Variants in ZNF804A observed in about 807,000 individuals in gnomAD.
ZNF804A encodes zinc finger protein 804A.
Under a neutral mutation model 16.5 loss-of-function variants are expected in ZNF804A, and 2 were observed. The ratio of observed to expected loss-of-function variants is 0.12; its 90% confidence interval spans 0.05 to 0.38. ZNF804A has a LOEUF of 0.38. ZNF804A is among the 10% of genes least tolerant of loss of function. The probability of loss-of-function intolerance (pLI) is 0.99; values close to 1 mark genes in which losing one functional copy is unlikely to be tolerated. For missense variants in ZNF804A, 1,473 were observed against 1,390.7 expected (o/e 1.06, Z -0.94); for synonymous variants, 534 against 489.6 (o/e 1.09, Z -1.20).
intron 1 of ZNF804A, among the ~76,000 whole-genome samples, chr2:184,769,869 C>A (rs773629713): frequency 1.3e-4 from 19 of 151,954 alleles, no homozygotes; most frequent in Non-Finnish European, 1.9e-4. Context: ...TTATTAACAA[C>A]CTTCAAGAAA....
At chr2:184,734,814 G>A (rs1693582340) in intron 1 of ZNF804A, among the ~76,000 whole-genome samples, 1 of 152,090 alleles carries the variant, frequency 6.6e-6, no homozygotes, top group Admixed American at 6.6e-5. Flanking sequence ...TGCAATTCTA[G>A]CAGTTTTTTC....
At chr2:184,639,300 C>T (rs1691754484) in intron 1 of ZNF804A, among the ~76,000 whole-genome samples, 1 of 151,916 alleles carries the variant, frequency 6.6e-6, no homozygotes, top group South Asian at 2.1e-4. Flanking sequence ...CCTCAAACTC[C>T]TGACCTCAGG....
At chr2:184,779,173 C>T (rs1694336623) in intron 1 of ZNF804A, among the ~76,000 whole-genome samples, 1 of 151,578 alleles carries the variant, frequency 6.6e-6, no homozygotes, top group African/African-American at 2.4e-5. Flanking sequence ...TCTGAAGCTG[C>T]CAACTGTAGT....
chr2:184,673,122 G>C (rs1039494770), intron 1 of ZNF804A, among the ~76,000 whole-genome samples: 1 of 152,028 alleles, frequency 6.6e-6, no homozygotes, highest in Admixed American at 6.6e-5. Flanking sequence ...GAAGGAGGAA[G>C]GGAAGAGGGT....
chr2:184,938,121 G>A lies in ZNF804A; in HGVS notation c.2725G>A (p.Asp909Asn). 6.2e-7 allele frequency: 1 copy of A among 1,614,126 alleles called. No homozygotes were observed. The highest frequency in any genetic ancestry group is 8.5e-7 in the Non-Finnish European group (1 of 1,180,034). Residue 909 changes from aspartate (D) to asparagine (N), a missense_variant, in exon 4 of 4, where the codon GAT becomes AAT. Transcript: ENST00000302277. ...GGAGACCACTTCTGGTGAATTGTCA[G>A]ATGTTTCCAATGATCCCACCACATC... ...EMETTSGELS[D>N]VSNDPTTSVC...
chr2:184,769,960 A>C (rs1356850100), intron 1 of ZNF804A, among the ~76,000 whole-genome samples: 1 of 152,122 alleles, frequency 6.6e-6, no homozygotes, highest in Non-Finnish European at 1.5e-5. Context: ...TTTCCTTTGG[A>C]TATAACAAAG....
At chr2:184,854,646 A>G (rs1344413357) in intron 1 of ZNF804A, among the ~76,000 whole-genome samples, 7 of 152,080 alleles carry the variant, frequency 4.6e-5, no homozygotes, top group African/African-American at 2.4e-5. Context: ...ACAGAAGAGT[A>G]TGATGTTGGA....
At chr2:184,658,457 A>C (rs1692116516) in intron 1 of ZNF804A, among the ~76,000 whole-genome samples, 2 of 152,228 alleles carry the variant, frequency 1.3e-5, no homozygotes, top group Admixed American at 6.5e-5. Flanking sequence ...TGGGCAGCAG[A>C]GCCAGACTCC....
intron 1 of ZNF804A, among the ~76,000 whole-genome samples, chr2:184,609,659 G>A (rs1416784714): frequency 6.6e-6 from 1 of 152,210 alleles, no homozygotes; most frequent in Non-Finnish European, 1.5e-5. Flanking sequence ...ATTCTCACAT[G>A]ATGGACGACA....
chr2:184,681,055 C>G (rs934404519), intron 1 of ZNF804A, among the ~76,000 whole-genome samples: 2 of 152,236 alleles, frequency 1.3e-5, no homozygotes, highest in Non-Finnish European at 2.9e-5. Context: ...CCCACGCTCA[C>G]TCGCTCACAT....
intron 1 of ZNF804A, among the ~76,000 whole-genome samples, chr2:184,641,859 T>A (rs1691801241): frequency 6.6e-6 from 1 of 152,194 alleles, no homozygotes; most frequent in Admixed American, 6.5e-5. Flanking sequence ...TTGTTGACTA[T>A]CTGGAGTTAG....
At chr2:184,772,973 A>G (rs6723095) in intron 1 of ZNF804A, among the ~76,000 whole-genome samples, 4 of 71,222 alleles carry the variant, frequency 5.6e-5, no homozygotes, top group Non-Finnish European at 1.0e-4. Flanking sequence ...ATATATATGT[A>G]TATATATATG....
chr2:184,884,810 C>A (rs1040832916), intron 2 of ZNF804A, among the ~76,000 whole-genome samples: 1 of 152,156 alleles, frequency 6.6e-6, no homozygotes, highest in South Asian at 2.1e-4. Flanking sequence ...ATGATAAAGA[C>A]CCCAAAAGCA....
At chr2:184,730,332 CT>C (rs144981432) in intron 1 of ZNF804A, among the ~76,000 whole-genome samples, 7,875 of 152,124 alleles carry the variant, frequency 0.052, 264 homozygotes, top group Middle Eastern at 0.078. Context: ...TCAACAACCC[CT>C]ACCAGAGTAG....
At chr2:184,869,213 C>G (rs1014488297) in intron 2 of ZNF804A, among the ~76,000 whole-genome samples, 2 of 152,090 alleles carry the variant, frequency 1.3e-5, no homozygotes, top group Middle Eastern at 3.4e-3. Flanking sequence ...TACTCAAAAT[C>G]CATTTGGCCT....
At chr2:184,657,021 A>G (rs1226464224) in intron 1 of ZNF804A, among the ~76,000 whole-genome samples, 1 of 152,204 alleles carries the variant, frequency 6.6e-6, no homozygotes, top group Non-Finnish European at 1.5e-5. Context: ...AATATCATAG[A>G]AAACATTTTT....
chr2:184,797,146 G>A (rs1216147558), intron 1 of ZNF804A, among the ~76,000 whole-genome samples: 1 of 152,080 alleles, frequency 6.6e-6, no homozygotes, highest in Non-Finnish European at 1.5e-5. Flanking sequence ...GAGTTCATTT[G>A]TTCCAAGGTA....
intron 1 of ZNF804A, among the ~76,000 whole-genome samples, chr2:184,613,472 C>A (rs78383441): frequency 6.6e-6 from 1 of 152,086 alleles, no homozygotes; most frequent in Non-Finnish European, 1.5e-5. Context: ...TTCTGGCCGA[C>A]CAATATAATA....
chr2:184,735,984 A>G (rs1693600293), intron 1 of ZNF804A, among the ~76,000 whole-genome samples: 2 of 152,214 alleles, frequency 1.3e-5, no homozygotes, highest in Admixed American at 1.3e-4. Flanking sequence ...GTCCATCACA[A>G]TCTAATATGA....
Sources: allele counts gnomAD v4.1 joint callset (sites outside exome capture counted in the v4.1 genomes callset), GRCh38; gene constraint gnomAD v4.1.1; transcripts MANE v1.5; gene names NCBI Gene and HGNC (gene_info 2026-07-23, HGNC 2026-07-21).